Variants in PLEKHG5 observed in about 807,000 individuals in gnomAD.
PLEKHG5 encodes the protein pleckstrin homology and RhoGEF domain containing G5, also known as pleckstrin homology domain-containing family G member 5.
In PLEKHG5, 52 loss-of-function variants were observed where a neutral mutation model predicts 103.8. That is an observed-to-expected ratio of 0.50 (90% CI 0.40 to 0.63). PLEKHG5 has a LOEUF of 0.63. Among genes scored for constraint, PLEKHG5 ranks in the 30% least tolerant of loss-of-function variants. The pLI, the probability that PLEKHG5 is intolerant of heterozygous loss-of-function variation, is 0.00. For missense variants in PLEKHG5, 1,205 were observed against 1,347.6 expected, an observed-to-expected ratio of 0.89 and a Z score of 1.66; for synonymous variants, 592 against 575.5, an observed-to-expected ratio of 1.03 and a Z score of -0.41.
chr1:6,480,474 G>A (rs1027772514), intron 1 of PLEKHG5, among the ~76,000 whole-genome samples: 14 of 149,012 alleles, frequency 9.4e-5, no homozygotes, highest in Admixed American at 2.0e-4. Flanking sequence ...GTTGCAGTGA[G>A]CCGAGATCAC....
At chr1:6,491,723 G>A, upstream of PLEKHG5, 3 of 983,352 alleles carry the variant, frequency 3.1e-6, no homozygotes, top group South Asian at 4.7e-5. The surrounding 1 kb of genome is among the most constrained non-coding windows in gnomAD (Gnocchi z 4.1). Context: ...CTCCACACAC[G>A]CATACCCTGA....
chr1:6,485,258 G>A (rs1033890912), intron 1 of PLEKHG5: 5 of 1,119,710 alleles, frequency 4.5e-6, no homozygotes, highest in Non-Finnish European at 5.8e-6. Context: ...CTCCCGCACA[G>A]GACTGGGCGG....
chr1:6,519,935 C>T (rs1011991261), exon 1 of PLEKHG5: 4 of 279,422 alleles, frequency 1.4e-5, no homozygotes, highest in East Asian at 9.2e-5. Context: ...CCACAGAGAC[C>T]CCGGCCTCTG....
In PLEKHG5 at chr1:6,491,089, C is replaced by T. The variant is rs1645143917; in HGVS notation, c.-88+548G>A. ...GAAACAGCCCGCTTTTCTCTGGGCC[C>T]CCTCTTTTTTTTTTTTCTGGCCCAG... On this transcript the variant is annotated intron_variant, in intron 1 of 20. Transcript: ENST00000377728. This position sits in a 1 kb window ranked among gnomAD's most constrained non-coding sequence, Gnocchi z 4.1. Among the ~76,000 whole-genome samples the T allele has an allele frequency of 6.6e-6, 1 of 152,022 alleles. No homozygotes were observed. The highest frequency in any genetic ancestry group is 2.4e-5 in the African/African-American group (1 of 41,380).
At chr1:6,473,568 C>T in intron 7 of PLEKHG5, 114 bp from the exon 8 acceptor site, 6 of 798,502 alleles carry the variant, frequency 7.5e-6, no homozygotes, top group Non-Finnish European at 1.2e-5. Context: ...GTCTCTGCAT[C>T]TCTACCCTGG....
chr1:6,518,559 C>CTAA (rs1638690922), intron 1 of PLEKHG5, among the ~76,000 whole-genome samples: 1 of 68,096 alleles, frequency 1.5e-5, no homozygotes, highest in Non-Finnish European at 3.2e-5. Context: ...AACTCCATCC[C>CTAA]AAAAAAAAAA....
exon 1 of PLEKHG5, chr1:6,519,856 G>A (rs1171687313): frequency 2.5e-5 from 10 of 400,490 alleles, no homozygotes; most frequent in South Asian, 4.5e-5. Context: ...GCCCATTTGC[G>A]CCCTGGAATG....
Position 6,475,876 on chromosome 1 carries a change from A to C in PLEKHG5, c.149+55T>G. Reference sequence around the variant, plus strand: ...CATCTGGTCCTGAATGTCTGATCTGAGACCCAGCCGTGGGGCCCTCCAGGT... The same window carrying C: ...CATCTGGTCCTGAATGTCTGATCTGCGACCCAGCCGTGGGGCCCTCCAGGT... On this transcript the variant is annotated intron_variant, in intron 3 of 20. Coordinates refer to ENST00000377728, the MANE Select transcript of PLEKHG5 (RefSeq NM_020631.6). The C allele has an allele frequency of 4.3e-6, 6 of 1,404,558 alleles. No homozygotes were observed. The South Asian group carries it at 5.8e-5, about 13-fold the overall frequency. The allele number at this position is 1,404,558 out of a possible 1,614,324, so 87.0% of individuals were successfully genotyped here.
chr1:6,496,453 C>T, upstream of PLEKHG5: 5 of 1,480,088 alleles, frequency 3.4e-6, no homozygotes, highest in Non-Finnish European at 4.7e-6. Flanking sequence ...GCCCTGGCCC[C>T]TCTGCCCCCG....
At chr1:6,474,824 G>A (rs1644711902) in intron 5 of PLEKHG5, 1 of 659,250 alleles carries the variant, frequency 1.5e-6, no homozygotes, top group Non-Finnish European at 2.7e-6. Flanking sequence ...CCACACGCAG[G>A]CCTGGCTCCT....
intron 1 of PLEKHG5, among the ~76,000 whole-genome samples, chr1:6,513,285 A>G (rs1638527694): frequency 6.6e-6 from 1 of 152,216 alleles, no homozygotes; most frequent in South Asian, 2.1e-4. Flanking sequence ...CAAATACCCC[A>G]AGGCTTGGTC....
In PLEKHG5 at chr1:6,480,884, G is replaced by A. The variant is rs60504052; in HGVS notation, c.-87-3226C>T. On this transcript the variant is annotated intron_variant, in intron 1 of 20. Transcript: ENST00000377728. Reference sequence around the variant, plus strand: ...TCGAACTCCTGGGCTCAACTGATCCGCCCGCCTCAGCCTCCCAAAGTGCTG... The same window carrying A: ...TCGAACTCCTGGGCTCAACTGATCCACCCGCCTCAGCCTCCCAAAGTGCTG... Among the ~76,000 whole-genome samples the A allele has an allele frequency of 4.7e-3, 716 of 151,986 alleles. 6 individuals are homozygous for A. The highest frequency in any genetic ancestry group is 0.017 in the African/African-American group (696 of 41,478).
At chr1:6,519,456 C>G in exon 1 of PLEKHG5, 1 of 1,613,390 alleles carries the variant, frequency 6.2e-7, no homozygotes, top group East Asian at 2.2e-5. Context: ...GGTTCCTGAA[C>G]AAAGGCTGAG....
chr1:6,472,886 C>A (rs1351320372), intron 9 of PLEKHG5, 100 bp downstream of exon 9: 3 of 1,156,346 alleles, frequency 2.6e-6, no homozygotes, highest in Non-Finnish European at 3.9e-6. Context: ...GTAACAGTGG[C>A]CTCTTTGGGG....
Position 6,470,790 on chromosome 1 carries a change from T to A in PLEKHG5, c.1487A>T (p.Lys496Met). The stretch of plus-strand genomic sequence containing the variant: ...CTCCTCGGTCTTCCTCAGCACCGAC[T>A]TGAGCAGCAGCGGGTACTTGGTGAG... ...QRLTKYPLLL[K>M]SVLRKTEEPR... Residue 496 changes from lysine to methionine, a missense_variant, in exon 14 of 21, where the codon AAG becomes ATG. Transcript: ENST00000377728. The A allele has an allele frequency of 6.4e-7, 1 of 1,574,010 alleles. No homozygotes were observed. The highest frequency in any genetic ancestry group is 8.6e-7 in the Non-Finnish European group (1 of 1,160,424).
At chr1:6,468,664 G>C in intron 19 of PLEKHG5, 78 bp from the exon 20 acceptor site, 1 of 1,499,350 alleles carries the variant, frequency 6.7e-7, no homozygotes, top group Non-Finnish European at 9.3e-7. Flanking sequence ...GGCAATGCAC[G>C]GTGGTTTATA....
chr1:6,494,844 C>A (rs562325491), upstream of PLEKHG5, among the ~76,000 whole-genome samples: 1 of 152,262 alleles, frequency 6.6e-6, no homozygotes, highest in Non-Finnish European at 1.5e-5. Flanking sequence ...GGCCCAGACT[C>A]TCCCCGTGCA....
In PLEKHG5 at chr1:6,471,069, T is replaced by C; in HGVS notation, c.1313A>G (p.Tyr438Cys). 6.3e-7 allele frequency: 1 copy of C among 1,595,782 alleles called. No individual in the cohort carries two copies. Among genetic ancestry groups the C allele is most frequent in the Non-Finnish European group, 8.5e-7 (1 of 1,172,030 alleles). ...CATGCAGCCCTCCTCCTCCATGCAG[T>C]AGCGGATGTAGGGCTTGAAGAGCGA... ...FGSLFKPYIR[Y>C]CMEEEGCMEY... Residue 438 changes from tyrosine to cysteine, a missense_variant, in exon 13 of 21, where the codon TAC (tyrosine) becomes TGC (cysteine). Physicochemically the swap from Tyr to Cys is radical, Grantham distance 194. Transcript: ENST00000377728.
At chr1:6,496,789 G>A (rs1645231860), upstream of PLEKHG5, 7 of 545,492 alleles carry the variant, frequency 1.3e-5, no homozygotes, top group South Asian at 2.0e-4. Context: ...CAGATTCCAC[G>A]GGGAGAAAAC....
Sources: gnomAD v4.1 joint callset for allele counts (sites outside exome capture counted in the v4.1 genomes callset) on GRCh38, gnomAD v4.1.1 for gene constraint, Gnocchi (gnomAD v3.1) non-coding constraint, MANE v1.5 for transcripts, NCBI Gene and HGNC (gene_info 2026-07-23, HGNC 2026-07-21) for gene names.